The following OPCML variants were observed in gnomAD, a reference collection of about 807,000 sequenced individuals.
OPCML encodes opioid binding protein/cell adhesion molecule like.
Under a neutral mutation model 37.8 loss-of-function variants are expected in OPCML, and 13 were observed. The ratio of observed to expected loss-of-function variants is 0.34; its 90% CI spans 0.22 to 0.55. OPCML has a LOEUF of 0.55. OPCML is among the 20% of genes least tolerant of loss of function. The pLI is 0.91. For synonymous variants in OPCML, 176 were observed against 168.8 expected (o/e 1.04, Z -0.33); for missense variants, 341 against 435.6 (o/e 0.78, Z 1.93).
intron 2 of OPCML, among the ~76,000 whole-genome samples, chr11:132,889,470 G>A (rs1015715731): frequency 1.3e-5 from 2 of 152,166 alleles, no homozygotes; most frequent in Non-Finnish European, 2.9e-5. Flanking sequence ...TGTAGCTGAA[G>A]ATCTTGGAAT....
At chr11:133,520,239 G>A (rs1948371337) in intron 1 of OPCML, among the ~76,000 whole-genome samples, 1 of 152,092 alleles carries the variant, frequency 6.6e-6, no homozygotes, top group Non-Finnish European at 1.5e-5. Context: ...AGTGCAGTGT[G>A]CGTGGGAGGT....
At position 133,321,938 on chromosome 11, in the gene OPCML, C is replaced by T. The variant is rs146262542; in HGVS notation, c.61+210326G>A. On this transcript the variant is annotated intron_variant, in intron 1 of 7. Coordinates refer to ENST00000524381, the MANE Select transcript of OPCML (RefSeq NM_001012393.5). ...TGGCATTTGAAAAGCATATAATATC[C>T]GAAACCATAGTATCGAACAGCAGAA... is the stretch of plus-strand genomic sequence containing the variant. Among the ~76,000 whole-genome samples the T allele has an allele frequency of 3.9e-3, 595 of 152,100 alleles. 6 individuals are homozygous for T. Among genetic ancestry groups the T allele is most frequent in the Middle Eastern group, 0.014 (4 of 294 alleles).
chr11:133,527,217 T>C (rs918081845), intron 1 of OPCML, among the ~76,000 whole-genome samples: 4 of 152,188 alleles, frequency 2.6e-5, no homozygotes, highest in Admixed American at 6.5e-5. Context: ...TACAAGTCCA[T>C]GTATCTAGCA....
chr11:132,445,409 A>G (rs537530998), intron 4 of OPCML, among the ~76,000 whole-genome samples: 1 of 152,304 alleles, frequency 6.6e-6, no homozygotes, highest in East Asian at 1.9e-4. Context: ...GTCCCCAAAG[A>G]GAAACTCTCA....
chr11:132,652,092 T>C (rs1255265984), intron 3 of OPCML, among the ~76,000 whole-genome samples: 2 of 152,148 alleles, frequency 1.3e-5, no homozygotes, highest in East Asian at 1.9e-4. Flanking sequence ...ACAGTTAGAA[T>C]GACAATGAGA....
intron 3 of OPCML, among the ~76,000 whole-genome samples, chr11:132,611,209 T>A (rs542766231): frequency 6.6e-6 from 1 of 152,318 alleles, no homozygotes; most frequent in Non-Finnish European, 1.5e-5. Context: ...TTGACAGATA[T>A]AAATGAGTAA....
In OPCML at chr11:133,141,032, ACGAC is replaced by A. The variant is rs1949807345; in HGVS notation, c.62-198026_62-198023del. On this transcript the variant is annotated intron_variant, in intron 1 of 7. Transcript: ENST00000524381. ...GACGACGACGACGACGACGACGACG[ACGAC>A]GACGACGACGACGAAGAAGAAGAAG... Among the ~76,000 whole-genome samples, 12 of 26,678 alleles carry A rather than the reference ACGAC, an allele frequency of 4.5e-4. 4 individuals are homozygous for A. Among genetic ancestry groups the A allele is most frequent in the African/African-American group, 8.2e-4 (12 of 14,660 alleles). 17.5% of individuals were successfully genotyped at this position (26,678 alleles called of 152,430 possible). A position where few individuals can be genotyped will look rare whatever the true frequency, so the allele number is the denominator to read the frequency against.
rs1339258822 is a variant in OPCML, at chr11:133,208,737, G to A, written c.62-265727C>T. On this transcript the variant is annotated intron_variant, in intron 1 of 7. Coordinates refer to ENST00000524381, the MANE Select transcript of OPCML (RefSeq NM_001012393.5). The surrounding 1 kb of genome is among the most constrained non-coding windows in gnomAD (Gnocchi z 8.9). ...AGTGAATAAAGGCTGCTGTAAGACT[G>A]AAGCACACGTTATCTAAAGCAATGG... 6.6e-6 allele frequency among the ~76,000 whole-genome samples: 1 copy of A among 152,188 alleles called. No individual in the cohort carries two copies. Among genetic ancestry groups the A allele is most frequent in the Non-Finnish European group, 1.5e-5 (1 of 68,050 alleles).
chr11:133,315,873 C>T lies in OPCML; in HGVS notation c.61+216391G>A, dbSNP rs761480688. 1.1e-4 allele frequency among the ~76,000 whole-genome samples: 16 copies of T among 152,176 alleles called. 1 individual carries two copies. Among genetic ancestry groups the T allele is most frequent in the Non-Finnish European group, 1.8e-4 (12 of 68,042 alleles). ...ATAGCCACAAAATCAATACCTTCAT[C>T]ATCAGTGAACTAATTCGACAAATGT... On this transcript the variant is annotated intron_variant, in intron 1 of 7. Transcript: ENST00000524381.
At position 133,484,154 on chromosome 11, in the gene OPCML, A is replaced by G. The variant is rs552107360; in HGVS notation, c.61+48110T>C. Among the ~76,000 whole-genome samples the G allele has an allele frequency of 4.8e-3, 716 of 148,456 alleles. 9 individuals carry two copies. Among genetic ancestry groups the G allele is most frequent in the African/African-American group, 0.017 (667 of 38,468 alleles). On this transcript the variant is annotated intron_variant, in intron 1 of 7. Coordinates refer to ENST00000524381, the MANE Select transcript of OPCML (RefSeq NM_001012393.5). ...ATAGATAGATGATAGATGGATAGAT[A>G]GATAGATAGGTAGATAGATAGATAG... is the stretch of plus-strand genomic sequence containing the variant.
chr11:132,496,333 A>G (rs994739398), intron 4 of OPCML, among the ~76,000 whole-genome samples: 5 of 152,338 alleles, frequency 3.3e-5, no homozygotes, highest in Admixed American at 3.3e-4. Context: ...TGCTGGTAAT[A>G]TGCACCCTTT....
intron 1 of OPCML, among the ~76,000 whole-genome samples, chr11:133,071,892 C>T (rs11601881): frequency 0.047 from 7,191 of 152,250 alleles, 208 homozygotes; most frequent in Middle Eastern, 0.16. Flanking sequence ...CCTGATATCG[C>T]CCAATCCTCC....
intron 1 of OPCML, chr11:133,422,804 A>G (rs1391755105): frequency 1.1e-6 from 1 of 896,460 alleles, no homozygotes; most frequent in African/African-American, 1.8e-5. Context: ...AATAAAAGAA[A>G]CTCTTTTGGA....
intron 2 of OPCML, among the ~76,000 whole-genome samples, chr11:132,875,806 C>A (rs777948726): frequency 6.6e-6 from 1 of 152,112 alleles, no homozygotes; most frequent in African/African-American, 2.4e-5. Context: ...CAGCAGAGGC[C>A]GTGCTGGGTG....
intron 1 of OPCML, among the ~76,000 whole-genome samples, chr11:132,998,941 C>T (rs999353053): frequency 3.3e-5 from 5 of 152,092 alleles, no homozygotes; most frequent in East Asian, 1.9e-4. Context: ...TTATAACAAC[C>T]GAAACACACT....
At chr11:132,841,040 G>C (rs1345678137) in intron 2 of OPCML, among the ~76,000 whole-genome samples, 1 of 152,112 alleles carries the variant, frequency 6.6e-6, no homozygotes, top group Non-Finnish European at 1.5e-5. Context: ...GTTCAAGAGG[G>C]AAAAAGAATA....
At chr11:133,247,922 A>G (rs1224493375) in intron 1 of OPCML, among the ~76,000 whole-genome samples, 4 of 152,140 alleles carry the variant, frequency 2.6e-5, no homozygotes, top group Non-Finnish European at 5.9e-5. Context: ...AGGTTTAAAG[A>G]GAAAAGAGAA....
chr11:132,524,168 C>T (rs528588020), intron 4 of OPCML, among the ~76,000 whole-genome samples: 3 of 152,346 alleles, frequency 2.0e-5, no homozygotes, highest in African/African-American at 7.2e-5. Flanking sequence ...AACTTTTTCA[C>T]ATTACTCATG....
chr11:132,461,137 C>G (rs1191210873), intron 4 of OPCML, among the ~76,000 whole-genome samples: 1 of 152,096 alleles, frequency 6.6e-6, no homozygotes, highest in Non-Finnish European at 1.5e-5. Context: ...TCTTCCTCCC[C>G]TCTCCTGACA....
Sources: gnomAD v4.1 joint callset for allele counts (sites outside exome capture counted in the v4.1 genomes callset) on GRCh38, gnomAD v4.1.1 for gene constraint, Gnocchi (gnomAD v3.1) non-coding constraint, MANE v1.5 for transcripts, NCBI Gene and HGNC (gene_info 2026-07-23, HGNC 2026-07-21) for gene names.